The following PICALM variants were observed in gnomAD, a reference collection of about 807,000 sequenced individuals.
PICALM encodes the protein phosphatidylinositol binding clathrin assembly protein.
A neutral mutation model predicts 80.5 loss-of-function variants in PICALM; 40 were observed. The ratio of observed to expected loss-of-function variants is 0.50; its 90% CI spans 0.39 to 0.65. The LOEUF is 0.65. Ranked by LOEUF, PICALM falls within the 30% of genes least tolerant of loss-of-function variation. The pLI, the probability that PICALM is intolerant of heterozygous loss-of-function variation, is 0.00. For synonymous variants in PICALM, 288 were observed against 260.3 expected, an observed-to-expected ratio of 1.11 and a Z score of -1.02; for missense variants, 676 against 778.9, an observed-to-expected ratio of 0.87 and a Z score of 1.57.
At chr11:86,008,009 T>C (rs2095313944) in intron 7 of PICALM, among the ~76,000 whole-genome samples, 1 of 152,050 alleles carries the variant, frequency 6.6e-6, no homozygotes, top group Non-Finnish European at 1.5e-5. Context: ...TTTGTCTTTC[T>C]CCATAAAACA....
chr11:85,965,855 C>G (rs973678682), intron 19 of PICALM, among the ~76,000 whole-genome samples: 3 of 130,972 alleles, frequency 2.3e-5, no homozygotes, highest in African/African-American at 8.5e-5. Context: ...GACTCTCTGT[C>G]GCCCAGGCTG....
chr11:86,069,804 C>G (rs1276585541), upstream of PICALM: 1 of 152,236 alleles, frequency 6.6e-6, no homozygotes, highest in African/African-American at 2.4e-5. Context: ...AAACCCGACA[C>G]GTTGCTGCCA....
chr11:86,008,044 A>G (rs1053121864), intron 7 of PICALM, among the ~76,000 whole-genome samples: 3 of 152,196 alleles, frequency 2.0e-5, no homozygotes, highest in Admixed American at 6.5e-5. Flanking sequence ...ATCACCACAG[A>G]TAACACTTTA....
At chr11:85,959,655 A>AAAAAAC (rs2093622636) in intron 19 of PICALM, among the ~76,000 whole-genome samples, 1 of 150,660 alleles carries the variant, frequency 6.6e-6, no homozygotes, top group Non-Finnish European at 1.5e-5. Flanking sequence ...AAAAAAAAAA[A>AAAAAAC]AGCTCATTGG....
chr11:86,038,068 C>G (rs1310076850), intron 1 of PICALM, among the ~76,000 whole-genome samples: 1 of 152,214 alleles, frequency 6.6e-6, no homozygotes, highest in Admixed American at 6.5e-5. Flanking sequence ...GCCTATAATC[C>G]CAACACTATG....
chr11:85,991,948 T>G (rs1223482324), intron 12 of PICALM, among the ~76,000 whole-genome samples: 1 of 152,100 alleles, frequency 6.6e-6, no homozygotes, highest in East Asian at 1.9e-4. Context: ...CTCAAACTCC[T>G]GGGCTCAAGT....
intron 16 of PICALM, 77 bp from the exon 17 acceptor site, chr11:85,981,305 G>C: frequency 1.2e-6 from 1 of 828,966 alleles, no homozygotes; most frequent in East Asian, 2.6e-5. Context: ...ATATAGAACA[G>C]AGTAAGATAG....
At chr11:86,069,626 C>T (rs1235785920), upstream of PICALM, 1 of 152,302 alleles carries the variant, frequency 6.6e-6, no homozygotes, top group Admixed American at 6.5e-5. Flanking sequence ...GCCCTCCTGG[C>T]TTAAAGGAGA....
intron 4 of PICALM, among the ~76,000 whole-genome samples, chr11:86,018,972 A>G (rs2095524098): frequency 6.6e-6 from 1 of 152,168 alleles, no homozygotes; most frequent in Non-Finnish European, 1.5e-5. Flanking sequence ...GAAGAAAAGC[A>G]GCCTTCAAAG....
At chr11:86,006,554 G>T (rs181441491) in intron 8 of PICALM, among the ~76,000 whole-genome samples, 37 of 152,308 alleles carry the variant, frequency 2.4e-4, no homozygotes, top group African/African-American at 8.9e-4. Context: ...GGCTGAGGTG[G>T]GAGAATCGCT....
intron 1 of PICALM, among the ~76,000 whole-genome samples, chr11:86,037,355 G>C (rs767441614): frequency 2.0e-5 from 3 of 149,140 alleles, no homozygotes; most frequent in South Asian, 2.1e-4. Context: ...TGCCACCCAG[G>C]TTCATGCAAT....
intron 1 of PICALM, 103 bp downstream of exon 1, chr11:86,068,548 G>A (rs568531999): frequency 1.2e-5 from 13 of 1,105,952 alleles, no homozygotes; most frequent in African/African-American, 6.3e-5. Flanking sequence ...AAGACGCAGG[G>A]AGGGAAGAGG....
Position 86,016,389 on chromosome 11 carries a change from T to A in PICALM, c.453-1426A>T, listed in dbSNP as rs188539948. 2.0e-5 allele frequency among the ~76,000 whole-genome samples: 3 copies of A among 152,354 alleles called. No homozygotes were observed. The East Asian group carries it at 5.8e-4, about 29-fold the overall frequency. On this transcript the variant is annotated intron_variant, in intron 4 of 19. Transcript: ENST00000393346. ...TAACCTTTCAGCTGCTTTGGTCACA[T>A]ATCCCTGTGGTAAAAACTATTTGAC... is the stretch of plus-strand genomic sequence containing the variant.
At chr11:86,007,497 T>A in intron 8 of PICALM, 45 bp downstream of exon 8, 1 of 1,107,800 alleles carries the variant, frequency 9.0e-7, no homozygotes, top group Non-Finnish European at 1.4e-6. Context: ...TCTTCACAAC[T>A]TGTACACAAC....
At chr11:85,981,090 T>C (rs768858872) in intron 17 of PICALM, 39 bp downstream of exon 17, 1 of 918,236 alleles carries the variant, frequency 1.1e-6, no homozygotes. Context: ...TTAACTAAAT[T>C]ATTCAACTGT....
chr11:86,003,921 A>G (rs2095216718), intron 8 of PICALM: 2 of 152,626 alleles, frequency 1.3e-5, no homozygotes, highest in East Asian at 3.9e-4. Flanking sequence ...ACTTACTACA[A>G]TGACTAAAGT....
chr11:86,042,253 A>G (rs1167162490), intron 1 of PICALM, among the ~76,000 whole-genome samples: 1 of 152,184 alleles, frequency 6.6e-6, no homozygotes, highest in Admixed American at 6.5e-5. Flanking sequence ...AATAAGGATT[A>G]CTGTAAGGGA....
At chr11:85,978,786 A>C (rs1437817779) in intron 17 of PICALM, 1 of 152,224 alleles carries the variant, frequency 6.6e-6, no homozygotes, top group East Asian at 1.9e-4. Flanking sequence ...ACATTTTAGT[A>C]GTCAGTCTTA....
Position 86,068,859 on chromosome 11 carries a change from C to A in PICALM, c.-79G>T. On this transcript the variant is annotated 5_prime_UTR_variant, in exon 1 of 20. Transcript: ENST00000393346. Reference sequence around the variant, plus strand: ...CCCCAAGAGCCGGAGGGTCCCCACCCCCCACCGCACCCCCTACCCCCACCG... The same window carrying A: ...CCCCAAGAGCCGGAGGGTCCCCACCACCCACCGCACCCCCTACCCCCACCG... 6.8e-7 allele frequency: 1 copy of A among 1,471,386 alleles called. No homozygotes were observed. Among genetic ancestry groups the A allele is most frequent in the Non-Finnish European group, 9.0e-7 (1 of 1,112,686 alleles). 91.1% of individuals were successfully genotyped at this position (1,471,386 alleles called of 1,614,324 possible).
Sources: gnomAD v4.1 joint callset for allele counts (sites outside exome capture counted in the v4.1 genomes callset) on GRCh38, gnomAD v4.1.1 for gene constraint, MANE v1.5 for transcripts, NCBI Gene and HGNC (gene_info 2026-07-23, HGNC 2026-07-21) for gene names.